The following ZNF251 variants were observed in gnomAD, a reference collection of about 807,000 sequenced individuals.
ZNF251 encodes the protein zinc finger protein 251.
ZNF251 carries 14 observed loss-of-function variants against 13.5 expected under a neutral mutation model. The ratio of observed to expected loss-of-function variants is 1.04; its 90% confidence interval spans 0.69 to 1.63. The LOEUF (loss-of-function observed/expected upper bound fraction) is 1.63, where lower values mean the gene tolerates loss of function less well. Among genes scored for constraint, ZNF251 ranks in the 40% most tolerant of loss-of-function variants. The probability of loss-of-function intolerance (pLI) is 0.00; values close to 1 mark genes in which losing one functional copy is unlikely to be tolerated. For missense variants in ZNF251, 764 were observed against 834.9 expected (o/e 0.92, Z 1.05); for synonymous variants, 287 against 295.2 (o/e 0.97, Z 0.28).
rs757533001 is a variant in ZNF251 at position 144,722,332 on chromosome 8, C to T, written c.1328G>A (p.Arg443His). Reference sequence around the variant, plus strand: ...ATGCTGAACAAGAGTGGAACTCCGACGAAAGGCTTTGCCGCACTCATTACA... The same window carrying T: ...ATGCTGAACAAGAGTGGAACTCCGATGAAAGGCTTTGCCGCACTCATTACA... ...YVCNECGKAF[R>H]RSSTLVQHRR... Residue 443 changes from arginine (R) to histidine (H), a missense_variant, in exon 5 of 5, where the codon CGT becomes CAT. Coordinates refer to ENST00000292562, the MANE Select transcript of ZNF251 (RefSeq NM_138367.2). The surrounding 1 kb of genome is among the most constrained non-coding windows in gnomAD (Gnocchi z 4.8). 4.3e-5 allele frequency: 69 copies of T among 1,613,658 alleles called. No individual in the cohort carries two copies. Among genetic ancestry groups the T allele is most frequent in the Middle Eastern group, 1.6e-4 (1 of 6,084 alleles).
intron 4 of ZNF251, chr8:144,729,909 A>G (rs189196840): frequency 3.7e-5 from 13 of 349,850 alleles, no homozygotes; most frequent in Non-Finnish European, 4.8e-5. Flanking sequence ...TCAACAGGTT[A>G]CATGTGTTTT....
At chr8:144,731,696 C>T (rs936805171) in intron 4 of ZNF251, among the ~76,000 whole-genome samples, 12 of 152,250 alleles carry the variant, frequency 7.9e-5, no homozygotes, top group Admixed American at 7.8e-4. Context: ...AAGCAACTCT[C>T]CTGCCTCAGC....
At position 144,723,055 on chromosome 8, in the gene ZNF251, T is replaced by C. The variant is rs61732715; in HGVS notation, c.605A>G (p.Asn202Ser). Residue 202 changes from asparagine (N) to serine (S), a missense_variant, in exon 5 of 5, where the codon AAT becomes AGT. By Grantham distance (46) the Asn-to-Ser change is conservative. Transcript: ENST00000292562. ...TTTAAAGACCCTCTCTCCTGTTTTA[T>C]TTCTTTGAAGTCTAACAACATTTTG... Reference protein sequence around the residue: ...LDQNVVRLQRNKTGERVFKCD... With the variant: ...LDQNVVRLQRSKTGERVFKCD... The C allele has an allele frequency of 0.033, 53,742 of 1,614,054 alleles. 1,079 individuals are homozygous for C. The highest frequency in any genetic ancestry group is 0.037 in the Non-Finnish European group (44,120 of 1,179,894).
chr8:144,755,301 G>A (rs1824908991), intron 1 of ZNF251, 104 bp downstream of exon 1: 1 of 1,261,080 alleles, frequency 7.9e-7, no homozygotes, highest in Admixed American at 2.4e-5. Flanking sequence ...GCGGCACCCA[G>A]AACAGGCTCC....
chr8:144,736,694 G>A (rs541925548), intron 4 of ZNF251, among the ~76,000 whole-genome samples: 115 of 151,930 alleles, frequency 7.6e-4, no homozygotes, highest in Non-Finnish European at 1.5e-3. Flanking sequence ...GTTTCTCCAA[G>A]TTGGTCAGGC....
At chr8:144,732,700 T>C in intron 4 of ZNF251, among the ~76,000 whole-genome samples, 1 of 151,364 alleles carries the variant, frequency 6.6e-6, no homozygotes, top group Non-Finnish European at 1.5e-5. Context: ...TAGTCCCAGC[T>C]ACTTGGGAGG....
intron 4 of ZNF251, among the ~76,000 whole-genome samples, chr8:144,742,034 T>C (rs1824186410): frequency 6.6e-6 from 1 of 152,056 alleles, no homozygotes; most frequent in Non-Finnish European, 1.5e-5. Context: ...AGGCCGGTGC[T>C]GCAGTACATC....
intron 4 of ZNF251, among the ~76,000 whole-genome samples, chr8:144,740,182 G>A (rs1824093575): frequency 6.6e-6 from 1 of 152,116 alleles, no homozygotes; most frequent in Non-Finnish European, 1.5e-5. Flanking sequence ...CTACTCCGGA[G>A]GCTGAGGCAG....
At chr8:144,754,870 G>C in intron 1 of ZNF251, 67 bp from the exon 2 acceptor site, 1 of 1,471,288 alleles carries the variant, frequency 6.8e-7, no homozygotes, top group Non-Finnish European at 9.0e-7. Flanking sequence ...CCAGGAGGCA[G>C]AAGCTGATTG....
chr8:144,750,799 C>T (rs1294724100), intron 4 of ZNF251, among the ~76,000 whole-genome samples: 1 of 151,238 alleles, frequency 6.6e-6, no homozygotes, highest in African/African-American at 2.4e-5. Flanking sequence ...TTATTGCTCA[C>T]AAGATGTGGT....
At chr8:144,746,515 A>T (rs993965414) in intron 4 of ZNF251, among the ~76,000 whole-genome samples, 8 of 152,218 alleles carry the variant, frequency 5.3e-5, no homozygotes, top group African/African-American at 1.7e-4. Flanking sequence ...ATGAGTTAGG[A>T]AGTATTCCCT....
intron 4 of ZNF251, chr8:144,753,399 T>C (rs921679658): frequency 6.5e-6 from 2 of 306,168 alleles, no homozygotes. Context: ...AGGAAATAAG[T>C]GTATTATAAA....
intron 4 of ZNF251, among the ~76,000 whole-genome samples, chr8:144,736,643 C>T (rs1259786451): frequency 2.6e-5 from 4 of 151,904 alleles, no homozygotes; most frequent in Non-Finnish European, 5.9e-5. Flanking sequence ...AGGCAGGCGC[C>T]ACCACGCCCA....
At chr8:144,745,314 C>T (rs1007374384) in intron 4 of ZNF251, among the ~76,000 whole-genome samples, 3 of 150,688 alleles carry the variant, frequency 2.0e-5, no homozygotes, top group Admixed American at 1.3e-4. Context: ...TATGTTTATG[C>T]AGGTTTTTAT....
At chr8:144,751,455 A>G (rs1824690207) in intron 4 of ZNF251, among the ~76,000 whole-genome samples, 1 of 152,208 alleles carries the variant, frequency 6.6e-6, no homozygotes, top group Non-Finnish European at 1.5e-5. Context: ...GATGGTTACA[A>G]GATTTCTGGA....
intron 4 of ZNF251, among the ~76,000 whole-genome samples, chr8:144,733,659 T>A (rs1459635845): frequency 6.6e-6 from 1 of 152,174 alleles, no homozygotes; most frequent in Non-Finnish European, 1.5e-5. Context: ...ACCCATACCC[T>A]GGAACCCAGG....
At chr8:144,733,822 G>T (rs529407608) in intron 4 of ZNF251, among the ~76,000 whole-genome samples, 3 of 152,104 alleles carry the variant, frequency 2.0e-5, no homozygotes, top group East Asian at 3.9e-4. Flanking sequence ...TTTCTCAAGA[G>T]AAACAAAAGG....
chr8:144,744,440 T>G (rs1824321584), intron 4 of ZNF251, among the ~76,000 whole-genome samples: 1 of 152,196 alleles, frequency 6.6e-6, no homozygotes, highest in African/African-American at 2.4e-5. Context: ...TTCACAGTTT[T>G]GTGGTTTACA....
intron 4 of ZNF251, among the ~76,000 whole-genome samples, chr8:144,752,383 A>G (rs1586711067): frequency 6.6e-6 from 1 of 152,214 alleles, no homozygotes; most frequent in Non-Finnish European, 1.5e-5. Flanking sequence ...GACAATAACA[A>G]TAAGATAACT....
Sources: gnomAD v4.1 joint callset for allele counts (sites outside exome capture counted in the v4.1 genomes callset) on GRCh38, gnomAD v4.1.1 for gene constraint, Gnocchi (gnomAD v3.1) non-coding constraint, MANE v1.5 for transcripts, NCBI Gene and HGNC (gene_info 2026-07-23, HGNC 2026-07-21) for gene names.